Variants in MGLL observed in about 807,000 individuals in gnomAD.
The protein encoded by MGLL is lysophospholipase homolog.
MGLL carries 7 observed loss-of-function variants against 29.1 expected under a neutral mutation model. The ratio of observed to expected loss-of-function variants is 0.24; its 90% CI spans 0.14 to 0.45. MGLL has a LOEUF of 0.45. Ranked by LOEUF, MGLL falls within the 20% of genes least tolerant of loss-of-function variation. MGLL has a pLI of 0.99. For synonymous variants in MGLL, 148 were observed against 168.3 expected (o/e 0.88, Z 0.93); for missense variants, 356 against 413.6 (o/e 0.86, Z 1.21).
chr3:127,704,767 A>G (rs1191578809), intron 6 of MGLL, among the ~76,000 whole-genome samples: 5 of 152,262 alleles, frequency 3.3e-5, no homozygotes, highest in Admixed American at 6.5e-5. Flanking sequence ...CTGTGGAGAA[A>G]TAGGAACACT....
intron 5 of MGLL, among the ~76,000 whole-genome samples, chr3:127,718,862 C>A (rs1270643627): frequency 6.6e-6 from 1 of 152,042 alleles, no homozygotes; most frequent in African/African-American, 2.4e-5. Flanking sequence ...AAAAATAGAT[C>A]CTGTGAGACT....
chr3:127,816,039 C>T (rs1271469174), intron 2 of MGLL, among the ~76,000 whole-genome samples: 1 of 152,244 alleles, frequency 6.6e-6, no homozygotes, highest in Non-Finnish European at 1.5e-5. Context: ...AGGAGCCAGG[C>T]CGTCCTCACC....
chr3:127,706,894 C>T (rs1008884698), intron 6 of MGLL, among the ~76,000 whole-genome samples: 9 of 152,146 alleles, frequency 5.9e-5, no homozygotes, highest in Admixed American at 2.0e-4. Flanking sequence ...GGCCTCAGCA[C>T]GGCCGAGCTT....
chr3:127,802,251 G>T (rs1376577214), intron 2 of MGLL, among the ~76,000 whole-genome samples: 1 of 152,128 alleles, frequency 6.6e-6, no homozygotes, highest in African/African-American at 2.4e-5. Flanking sequence ...TCAAGAGTTT[G>T]GTCTTGAACT....
chr3:127,715,972 GA>G (rs964863013), intron 5 of MGLL: 22 of 377,364 alleles, frequency 5.8e-5, no homozygotes, highest in Non-Finnish European at 1.1e-4. Flanking sequence ...GCTCAGGAGA[GA>G]GGAGCCCCTG....
chr3:127,799,490 G>A (rs2077440790), intron 2 of MGLL: 1 of 152,180 alleles, frequency 6.6e-6, no homozygotes. Flanking sequence ...TGGGTGAGAA[G>A]GTGAAAGAGA....
At chr3:127,789,026 C>T (rs2077260034) in intron 2 of MGLL, among the ~76,000 whole-genome samples, 1 of 152,152 alleles carries the variant, frequency 6.6e-6, no homozygotes, top group Admixed American at 6.5e-5. Context: ...CTTTGCCTGG[C>T]TAGAGAGGCT....
At chr3:127,792,164 A>T (rs548229579) in intron 2 of MGLL, among the ~76,000 whole-genome samples, 1 of 152,332 alleles carries the variant, frequency 6.6e-6, no homozygotes, top group East Asian at 1.9e-4. Flanking sequence ...AGAAATTTAC[A>T]TCTATCAATC....
chr3:127,717,243 C>T (rs988016392), intron 5 of MGLL, among the ~76,000 whole-genome samples: 1 of 152,156 alleles, frequency 6.6e-6, no homozygotes, highest in Non-Finnish European at 1.5e-5. Context: ...CTGCAATCTC[C>T]CACTGCCCCA....
intron 2 of MGLL, among the ~76,000 whole-genome samples, chr3:127,798,169 A>C (rs911480588): frequency 6.6e-6 from 1 of 152,252 alleles, no homozygotes; most frequent in African/African-American, 2.4e-5. Flanking sequence ...AGCACAGTGC[A>C]TACCTTTCTC....
chr3:127,693,514 C>T (rs564099349), intron 7 of MGLL, among the ~76,000 whole-genome samples: 4 of 152,304 alleles, frequency 2.6e-5, no homozygotes, highest in South Asian at 2.1e-4. Flanking sequence ...CTTATGGCTG[C>T]GTGCCTATGC....
At chr3:127,742,904 T>C (rs1413638486) in intron 3 of MGLL, among the ~76,000 whole-genome samples, 1 of 152,186 alleles carries the variant, frequency 6.6e-6, no homozygotes, top group Non-Finnish European at 1.5e-5. Context: ...AACCTCCACC[T>C]CCTGAGTTCA....
intron 3 of MGLL, chr3:127,736,284 TA>T: frequency 1.0e-6 from 1 of 985,782 alleles, no homozygotes; most frequent in South Asian, 4.7e-5. Context: ...TGAGATACTA[TA>T]TTTTTTAACA....
chr3:127,817,300 G>T, intron 2 of MGLL, among the ~76,000 whole-genome samples: 1 of 152,352 alleles, frequency 6.6e-6, no homozygotes, highest in South Asian at 2.1e-4. Context: ...CCTCCCAGTC[G>T]TGTGTCTTGG....
intron 3 of MGLL, among the ~76,000 whole-genome samples, chr3:127,737,096 G>T (rs531769070): frequency 6.6e-6 from 1 of 152,244 alleles, no homozygotes; most frequent in South Asian, 2.1e-4. Context: ...CCTGGAGGTG[G>T]CCAGTAATTA....
intron 2 of MGLL, among the ~76,000 whole-genome samples, chr3:127,812,445 T>C (rs566400156): frequency 2.0e-5 from 3 of 152,048 alleles, no homozygotes; most frequent in African/African-American, 7.2e-5. Context: ...CTGAGTTTCA[T>C]TTGAAGAAAC....
intron 3 of MGLL, among the ~76,000 whole-genome samples, chr3:127,738,946 T>C (rs2076290057): frequency 6.6e-6 from 1 of 152,210 alleles, no homozygotes; most frequent in Non-Finnish European, 1.5e-5. Context: ...CCACGCAGGA[T>C]GGGCAGAGGT....
At chr3:127,709,821 C>T (rs1429122889) in intron 6 of MGLL, among the ~76,000 whole-genome samples, 1 of 152,218 alleles carries the variant, frequency 6.6e-6, no homozygotes, top group Non-Finnish European at 1.5e-5. Context: ...GGAGACCACA[C>T]CTACCCACGT....
intron 2 of MGLL, among the ~76,000 whole-genome samples, chr3:127,794,917 T>A (rs1036681783): frequency 2.6e-5 from 4 of 152,246 alleles, no homozygotes; most frequent in African/African-American, 9.6e-5. Context: ...TTAATGTGTG[T>A]CTAGTATTAG....
Sources: allele counts gnomAD v4.1 joint callset (sites outside exome capture counted in the v4.1 genomes callset), GRCh38; gene constraint gnomAD v4.1.1; transcripts MANE v1.5; gene names NCBI Gene and HGNC (gene_info 2026-07-23, HGNC 2026-07-21).